The following THEMIS variants were observed in gnomAD, a reference collection of about 807,000 sequenced individuals.
The protein encoded by THEMIS is protein THEMIS.
In THEMIS, 37 loss-of-function variants were observed where a neutral mutation model predicts 52.6. The ratio of observed to expected loss-of-function variants is 0.70; its 90% CI spans 0.54 to 0.93. THEMIS has a LOEUF of 0.93. Among genes scored for constraint, THEMIS ranks in the 40% least tolerant of loss-of-function variants. The pLI is 0.00. For missense variants in THEMIS, 808 were observed against 763.1 expected (o/e 1.06, Z -0.69); for synonymous variants, 292 against 272.7 (o/e 1.07, Z -0.70).
At chr6:127,734,076 A>G (rs1222817040) in intron 4 of THEMIS, among the ~76,000 whole-genome samples, 2 of 152,218 alleles carry the variant, frequency 1.3e-5, no homozygotes, top group African/African-American at 4.8e-5. Context: ...TAAACTCTAT[A>G]AAACAAATAC....
intron 5 of THEMIS, among the ~76,000 whole-genome samples, chr6:127,711,117 T>G (rs946914754): frequency 1.3e-5 from 2 of 151,858 alleles, no homozygotes; most frequent in African/African-American, 4.8e-5. Flanking sequence ...TATTTTTCTG[T>G]AACACTAGCT....
intron 4 of THEMIS, among the ~76,000 whole-genome samples, chr6:127,758,754 T>A (rs1775919238): frequency 6.6e-6 from 1 of 152,050 alleles, no homozygotes; most frequent in African/African-American, 2.4e-5. Flanking sequence ...GAACTACAGG[T>A]GATACAGGTA....
intron 1 of THEMIS, among the ~76,000 whole-genome samples, chr6:127,917,585 G>T (rs1442704314): frequency 6.6e-6 from 1 of 152,142 alleles, no homozygotes; most frequent in Non-Finnish European, 1.5e-5. Flanking sequence ...TATCTGCCCA[G>T]CTCCTAGTCA....
chr6:127,840,582 C>T (rs1562292496), intron 2 of THEMIS, among the ~76,000 whole-genome samples: 1 of 152,010 alleles, frequency 6.6e-6, no homozygotes, highest in Admixed American at 6.6e-5. Flanking sequence ...ACTTGTAAAA[C>T]AGAAAAATAA....
chr6:127,702,925 C>T, the THEMIS span, among the ~76,000 whole-genome samples: 22 of 151,132 alleles, frequency 1.5e-4, no homozygotes, highest in Non-Finnish European at 2.5e-4. Flanking sequence ...ACACACAACA[C>T]GTGGGAATTC....
At chr6:127,857,380 GCAC>G (rs1463312318) in intron 1 of THEMIS, among the ~76,000 whole-genome samples, 142 of 145,008 alleles carry the variant, frequency 9.8e-4, no homozygotes, top group Non-Finnish European at 1.8e-3. Context: ...ATTTGAAAAG[GCAC>G]TGAGATGTGA....
intron 4 of THEMIS, among the ~76,000 whole-genome samples, chr6:127,748,488 C>G (rs941688112): frequency 6.6e-6 from 1 of 152,038 alleles, no homozygotes; most frequent in Admixed American, 6.6e-5. Flanking sequence ...GAAAATTAAC[C>G]CAGTCCTGCA....
intron 2 of THEMIS, among the ~76,000 whole-genome samples, chr6:127,841,474 T>C (rs961330963): frequency 2.6e-5 from 4 of 152,002 alleles, no homozygotes; most frequent in African/African-American, 9.7e-5. Context: ...AGATAGATTT[T>C]AGAAGATGGA....
chr6:127,899,611 A>C (rs1294789635), intron 1 of THEMIS, among the ~76,000 whole-genome samples: 1 of 151,834 alleles, frequency 6.6e-6, no homozygotes, highest in Non-Finnish European at 1.5e-5. Flanking sequence ...AAATAGACTA[A>C]AAACTAAATG....
chr6:127,879,849 GCCACTTCCACAGTT>G (rs1562317720), intron 1 of THEMIS, among the ~76,000 whole-genome samples: 2 of 151,878 alleles, frequency 1.3e-5, no homozygotes, highest in Non-Finnish European at 2.9e-5. Context: ...GGCTGCCTAG[GCCACTTCCACAGTT>G]TGGTATTTTC....
At chr6:127,785,262 T>TCTATCATCTATCTAC (rs58702039) in intron 4 of THEMIS, among the ~76,000 whole-genome samples, 20,946 of 146,740 alleles carry the variant, frequency 0.14, 1,810 homozygotes, top group Non-Finnish European at 0.16. Context: ...CATCTATCTA[T>TCTATCATCTATCTAC]TTATCACCTA....
chr6:127,877,620 T>G (rs1470899830), intron 1 of THEMIS, among the ~76,000 whole-genome samples: 1 of 152,186 alleles, frequency 6.6e-6, no homozygotes, highest in Non-Finnish European at 1.5e-5. Flanking sequence ...CAACATTTAT[T>G]AAATTTTCCA....
chr6:127,862,295 C>A (rs1454085911), intron 1 of THEMIS, among the ~76,000 whole-genome samples: 1 of 152,028 alleles, frequency 6.6e-6, no homozygotes, highest in Non-Finnish European at 1.5e-5. Flanking sequence ...TACTGGCATT[C>A]TGATTTCTAC....
At chr6:127,914,921 C>G (rs1026901629) in intron 1 of THEMIS, among the ~76,000 whole-genome samples, 1 of 152,162 alleles carries the variant, frequency 6.6e-6, no homozygotes, top group African/African-American at 2.4e-5. Flanking sequence ...GTTATCACAA[C>G]AGTAATTGAC....
chr6:127,865,277 G>C (rs1779938752), intron 1 of THEMIS, among the ~76,000 whole-genome samples: 1 of 152,090 alleles, frequency 6.6e-6, no homozygotes, highest in Admixed American at 6.6e-5. Context: ...AGATGTTAGA[G>C]TGGCCAAAGG....
intron 4 of THEMIS, among the ~76,000 whole-genome samples, chr6:127,797,565 A>C (rs1209053815): frequency 1.3e-5 from 2 of 152,158 alleles, no homozygotes; most frequent in African/African-American, 4.8e-5. Context: ...TATGGGTCAA[A>C]GGCCAGCTCC....
chr6:127,841,553 T>A (rs1283159098), intron 2 of THEMIS, among the ~76,000 whole-genome samples: 1 of 152,066 alleles, frequency 6.6e-6, no homozygotes, highest in Non-Finnish European at 1.5e-5. Context: ...TTTAAAATGA[T>A]CTTTCTGACA....
intron 4 of THEMIS, among the ~76,000 whole-genome samples, chr6:127,745,837 G>A (rs1775370418): frequency 6.6e-6 from 1 of 151,770 alleles, no homozygotes; most frequent in African/African-American, 2.4e-5. Context: ...CAAAAGACCT[G>A]CTTGGTTTCT....
intron 1 of THEMIS, among the ~76,000 whole-genome samples, chr6:127,908,469 T>A (rs1034681636): frequency 1.3e-5 from 2 of 152,110 alleles, no homozygotes; most frequent in African/African-American, 2.4e-5. Flanking sequence ...GATCTGCGTA[T>A]TTTTTTACAC....
Sources: allele counts gnomAD v4.1 joint callset (sites outside exome capture counted in the v4.1 genomes callset), GRCh38; gene constraint gnomAD v4.1.1; transcripts MANE v1.5; gene names NCBI Gene and HGNC (gene_info 2026-07-23, HGNC 2026-07-21).